The following ZNF678 variants were observed in gnomAD, a reference collection of about 807,000 sequenced individuals.
ZNF678 encodes zinc finger protein 678.
A neutral mutation model predicts 3.0 loss-of-function variants in ZNF678; 5 were observed. The observed-to-expected ratio is 1.69, with a 90% confidence interval of 0.88 to 3.56. ZNF678 has a LOEUF of 3.56. ZNF678 is among the 30% of genes most tolerant of loss of function. The pLI, the probability that ZNF678 is intolerant of heterozygous loss-of-function variation, is 0.00. For synonymous variants in ZNF678, 218 were observed against 199.6 expected, an observed-to-expected ratio of 1.09 and a Z score of -0.78; for missense variants, 593 against 605.0, an observed-to-expected ratio of 0.98 and a Z score of 0.21.
chr1:227,609,756 C>CA (rs1292804042), intron 1 of ZNF678, among the ~76,000 whole-genome samples: 3 of 150,718 alleles, frequency 2.0e-5, no homozygotes, highest in African/African-American at 7.3e-5. Context: ...CTCTTTGAGA[C>CA]AGAGCCTCAC....
chr1:227,635,249 T>C (rs957260823), intron 1 of ZNF678, among the ~76,000 whole-genome samples: 7 of 152,232 alleles, frequency 4.6e-5, no homozygotes, highest in African/African-American at 1.7e-4. Context: ...GTCATTTCAT[T>C]TGACTCAGGT....
rs1330931280 is a variant in ZNF678, at chr1:227,563,732, T to G, written c.-164+8T>G. ...CCCGAAAGCCGGAAAACGGTGAGAGTTCCCGGGAGGGTGTTCCAAGATGGC... is the reference window on the plus strand; with the variant it reads ...CCCGAAAGCCGGAAAACGGTGAGAGGTCCCGGGAGGGTGTTCCAAGATGGC... On this transcript the variant is annotated splice_region_variant and intron_variant, in intron 1 of 3. Transcript: ENST00000343776. The G allele has an allele frequency of 7.6e-7, 1 of 1,321,240 alleles. No homozygotes were observed. The highest frequency in any genetic ancestry group is 1.0e-6 in the Non-Finnish European group (1 of 997,188). The allele number at this position is 1,321,240 out of a possible 1,614,324, so 81.8% of individuals were successfully genotyped here.
chr1:227,583,337 TTTTTTTTC>T (rs1657177826), intron 1 of ZNF678, among the ~76,000 whole-genome samples: 1 of 150,434 alleles, frequency 6.6e-6, no homozygotes, highest in Non-Finnish European at 1.5e-5. Context: ...GAAAATTTCT[TTTTTTTTC>T]TTTTTTCTTT....
chr1:227,624,479 A>C (rs1018332404), intron 1 of ZNF678, among the ~76,000 whole-genome samples: 1 of 152,180 alleles, frequency 6.6e-6, no homozygotes, highest in Non-Finnish European at 1.5e-5. Flanking sequence ...ATCCCCACTG[A>C]AGGCATGGCA....
In ZNF678 at chr1:227,650,997, C is replaced by T; in HGVS notation, c.6C>T (p.Gly2=). 1 of 1,612,408 alleles carries T rather than the reference C, an allele frequency of 6.2e-7. No individual in the cohort carries two copies. The highest frequency in any genetic ancestry group is 1.1e-5 in the South Asian group (1 of 90,924). Residue 2 remains glycine (G), a synonymous_variant, in exon 3 of 4, where the codon GGC becomes GGT. Transcript: ENST00000343776. M[G]TISLCIGVCA... ...TTAAAATAGAAGCATTGATAATGGG[C>T]ACAATATCACTTTGCATTGGTGTCT...
Position 227,599,139 on chromosome 1 carries a change from A to G in ZNF678, c.-164+35415A>G, listed in dbSNP as rs543079675. The G allele has an allele frequency of 1.3e-5, 18 of 1,379,812 alleles. No individual in the cohort carries two copies. In the South Asian group the frequency reaches 2.1e-4, roughly 16 times the overall value. 85.5% of individuals were successfully genotyped at this position (1,379,812 alleles called of 1,614,324 possible). Reference sequence around the variant, plus strand: ...ATTGGGTTTATATAGGCCAGGATGTAGAACATATTCCTCCAGTTCTAGAAT... The same window carrying G: ...ATTGGGTTTATATAGGCCAGGATGTGGAACATATTCCTCCAGTTCTAGAAT... On this transcript the variant is annotated intron_variant, in intron 1 of 3. Coordinates refer to ENST00000343776, the MANE Select transcript of ZNF678 (RefSeq NM_001367909.1).
chr1:227,564,952 T>G (rs1656631525), intron 1 of ZNF678, among the ~76,000 whole-genome samples: 2 of 151,992 alleles, frequency 1.3e-5, no homozygotes, highest in Non-Finnish European at 2.9e-5. Flanking sequence ...GTCAGGCTGG[T>G]CTCCAACTCC....
chr1:227,674,179 G>A (rs964404813), intron 5 of ZNF678, among the ~76,000 whole-genome samples: 3 of 152,174 alleles, frequency 2.0e-5, no homozygotes, highest in African/African-American at 7.2e-5. Flanking sequence ...CTAAATAAAT[G>A]GTGGTGGTTT....
intron 1 of ZNF678, among the ~76,000 whole-genome samples, chr1:227,606,867 C>T (rs1456660427): frequency 2.0e-5 from 3 of 152,186 alleles, no homozygotes; most frequent in Non-Finnish European, 2.9e-5. Context: ...TTCAGTACAG[C>T]ACATGTTTCT....
intron 1 of ZNF678, among the ~76,000 whole-genome samples, chr1:227,620,321 AG>A (rs1226063053): frequency 5.3e-5 from 8 of 151,968 alleles, no homozygotes; most frequent in Non-Finnish European, 1.0e-4. Flanking sequence ...TTGAGTTTTC[AG>A]TAAGTTAACG....
chr1:227,588,421 A>G (rs900755013), intron 1 of ZNF678, among the ~76,000 whole-genome samples: 1 of 152,004 alleles, frequency 6.6e-6, no homozygotes, highest in Non-Finnish European at 1.5e-5. Context: ...GTATTCCACA[A>G]TGGTTGAACT....
intron 1 of ZNF678, among the ~76,000 whole-genome samples, chr1:227,626,984 A>G (rs1479576593): frequency 1.3e-5 from 2 of 150,460 alleles, no homozygotes; most frequent in African/African-American, 4.9e-5. Context: ...ATCTACCCAG[A>G]CTAGTAGATA....
At chr1:227,674,181 T>G (rs1023272367) in intron 5 of ZNF678, among the ~76,000 whole-genome samples, 1 of 152,116 alleles carries the variant, frequency 6.6e-6, no homozygotes, top group Non-Finnish European at 1.5e-5. Flanking sequence ...AAATAAATGG[T>G]GGTGGTTTAA....
intron 1 of ZNF678, chr1:227,599,221 T>G: frequency 2.5e-6 from 2 of 811,264 alleles, no homozygotes; most frequent in Admixed American, 2.2e-5. Flanking sequence ...TTTTTGTTTT[T>G]GTTTTTAACA....
chr1:227,679,092 G>GA (rs572998181), downstream of ZNF678, among the ~76,000 whole-genome samples: 19 of 147,768 alleles, frequency 1.3e-4, no homozygotes, highest in Admixed American at 2.7e-4. Context: ...CTCTCCTATG[G>GA]AAAAAAAAAG....
rs1042252795 is a variant in ZNF678 at position 227,659,890 on chromosome 1, A to T, written c.*4062A>T. 7.2e-5 allele frequency: 10 copies of T among 139,834 alleles called. No homozygotes were observed. The highest frequency in any genetic ancestry group is 2.4e-4 in the African/African-American group (8 of 33,324). 8.7% of individuals were successfully genotyped at this position (139,834 alleles called of 1,614,324 possible). On this transcript the variant is annotated 3_prime_UTR_variant, in exon 4 of 4. Coordinates refer to ENST00000343776, the MANE Select transcript of ZNF678 (RefSeq NM_001367909.1). ...CATGGTCTTGGCACTTAAAAAAAAA[A>T]AAACAATATATTCTCAATAACTGTA...
At chr1:227,613,647 C>A (rs760777399) in intron 1 of ZNF678, among the ~76,000 whole-genome samples, 6 of 152,158 alleles carry the variant, frequency 3.9e-5, no homozygotes, top group Non-Finnish European at 7.4e-5. Flanking sequence ...AACAGATATA[C>A]CCCACCCTTG....
rs747471162 is a variant in ZNF678, at chr1:227,592,701, C to T, written c.-164+28977C>T. Among the ~76,000 whole-genome samples, 5 of 152,154 alleles carry T rather than the reference C, an allele frequency of 3.3e-5. No homozygotes were observed. The South Asian group carries it at 8.3e-4, about 25-fold the overall frequency. On this transcript the variant is annotated intron_variant, in intron 1 of 3. Transcript: ENST00000343776. Reference sequence around the variant, plus strand: ...CTTTAAATTGATCTGGTATTCCTTGCGGGGCTCCAGTTGCATCTAAATAGA... The same window carrying T: ...CTTTAAATTGATCTGGTATTCCTTGTGGGGCTCCAGTTGCATCTAAATAGA...
At chr1:227,569,954 C>T (rs79108373) in intron 1 of ZNF678, among the ~76,000 whole-genome samples, 1 of 150,816 alleles carries the variant, frequency 6.6e-6, no homozygotes, top group African/African-American at 2.4e-5. Context: ...GGGTCTCAAG[C>T]CTGATGAGAT....
Sources: gnomAD v4.1 joint callset for allele counts (sites outside exome capture counted in the v4.1 genomes callset) on GRCh38, gnomAD v4.1.1 for gene constraint, MANE v1.5 for transcripts, NCBI Gene and HGNC (gene_info 2026-07-23, HGNC 2026-07-21) for gene names.